The following PPP1R17 variants were observed in gnomAD, a reference collection of about 807,000 sequenced individuals.
The protein encoded by PPP1R17 is G-substrate.
A neutral mutation model predicts 15.9 loss-of-function variants in PPP1R17; 12 were observed. That is an observed-to-expected ratio of 0.75 (90% CI 0.48 to 1.22). The LOEUF (loss-of-function observed/expected upper bound fraction) is 1.22. Among genes scored for constraint, PPP1R17 ranks in the 50% most tolerant of loss-of-function variants. PPP1R17 has a pLI of 0.00. For synonymous variants in PPP1R17, 63 were observed against 64.5 expected (o/e 0.98, Z 0.11); for missense variants, 211 against 187.3 (o/e 1.13, Z -0.74).
chr7:31,698,822 G>A (rs1457811909), intron 4 of PPP1R17, among the ~76,000 whole-genome samples: 6 of 152,294 alleles, frequency 3.9e-5, no homozygotes, highest in East Asian at 3.9e-4. Flanking sequence ...AATCCTTTCC[G>A]AGGAAGAGAT....
chr7:31,687,457 A>T (rs1163993713), intron 1 of PPP1R17, among the ~76,000 whole-genome samples, 151 bp downstream of exon 1: 2 of 152,200 alleles, frequency 1.3e-5, no homozygotes, highest in Non-Finnish European at 2.9e-5. Flanking sequence ...CAGCAGAAAA[A>T]GTTACCACTT....
Position 31,695,655 on chromosome 7 carries a change from G to T in PPP1R17, c.235+34G>T. ...CAAAGTCATCTGCACAGCTGTAAAG[G>T]AGAGCCACTTGCCACTAGGTTGCAT... On this transcript the variant is annotated intron_variant, in intron 3 of 4. Transcript: ENST00000342032. 1.9e-6 allele frequency: 3 copies of T among 1,568,176 alleles called. No individual in the cohort carries two copies. The Admixed American group carries it at 6.0e-5, about 32-fold the overall frequency.
intron 2 of PPP1R17, among the ~76,000 whole-genome samples, chr7:31,693,797 T>C (rs940198618): frequency 5.9e-5 from 9 of 152,200 alleles, no homozygotes; most frequent in Non-Finnish European, 2.9e-5. Flanking sequence ...GAAATTTACC[T>C]GAATACTTTT....
At chr7:31,702,764 C>A (rs1792907217) in intron 4 of PPP1R17, among the ~76,000 whole-genome samples, 1 of 152,212 alleles carries the variant, frequency 6.6e-6, no homozygotes, top group African/African-American at 2.4e-5. Context: ...CTAGTCCAAT[C>A]ATTTCTACAT....
chr7:31,701,682 C>T (rs904161355), intron 4 of PPP1R17, among the ~76,000 whole-genome samples: 2 of 152,218 alleles, frequency 1.3e-5, no homozygotes, highest in Non-Finnish European at 2.9e-5. Flanking sequence ...TCACTGTCAT[C>T]TTGAGAGATT....
Position 31,697,011 on chromosome 7 carries a change from A to G in PPP1R17, c.282A>G (p.Arg94=). The G allele has an allele frequency of 1.2e-6, 2 of 1,614,166 alleles. No homozygotes were observed. The highest frequency in any genetic ancestry group is 1.7e-6 in the Non-Finnish European group (2 of 1,180,010). The change falls in exon 4 of 5, where the codon AGA becomes AGG. Residue 94 remains arginine (R), a synonymous_variant. Coordinates refer to ENST00000342032, the MANE Select transcript of PPP1R17 (RefSeq NM_006658.5). ...HLIKRYDVQE[R]HPKGKMIPVL... Reference sequence around the variant, plus strand: ...TTAAAAGATACGATGTTCAAGAGAGACATCCAAAGGGCAAAATGATCCCTG... The same window carrying G: ...TTAAAAGATACGATGTTCAAGAGAGGCATCCAAAGGGCAAAATGATCCCTG...
Position 31,706,586 on chromosome 7 carries a change from T to A in PPP1R17, c.389-618T>A, listed in dbSNP as rs182344296. On this transcript the variant is annotated intron_variant, in intron 4 of 4. Coordinates refer to ENST00000342032, the MANE Select transcript of PPP1R17 (RefSeq NM_006658.5). The stretch of plus-strand genomic sequence containing the variant: ...TCACCTCCTGGTACAGTACTGACAT[T>A]GAGAAATGGCATGTCCAGAGCCTGA... Among the ~76,000 whole-genome samples, 772 of 152,278 alleles carry A rather than the reference T, an allele frequency of 5.1e-3. 6 individuals are homozygous for A. The highest frequency in any genetic ancestry group is 0.018 in the African/African-American group (742 of 41,568).
At chr7:31,691,387 G>A (rs1247192080) in intron 1 of PPP1R17, among the ~76,000 whole-genome samples, 1 of 152,260 alleles carries the variant, frequency 6.6e-6, no homozygotes, top group South Asian at 2.1e-4. Flanking sequence ...AATTGGTTGG[G>A]CGATTTTAAT....
At chr7:31,705,429 G>A (rs1793025875) in intron 4 of PPP1R17, among the ~76,000 whole-genome samples, 1 of 152,136 alleles carries the variant, frequency 6.6e-6, no homozygotes, top group Admixed American at 6.5e-5. Flanking sequence ...ATTCCAAACA[G>A]AAATCCAAAT....
intron 2 of PPP1R17, among the ~76,000 whole-genome samples, chr7:31,693,134 C>G (rs1319180205): frequency 6.6e-6 from 1 of 152,010 alleles, no homozygotes; most frequent in Non-Finnish European, 1.5e-5. Flanking sequence ...GGTTATGACT[C>G]CCCCCTCCTC....
chr7:31,691,528 C>T (rs1792341372), intron 1 of PPP1R17, among the ~76,000 whole-genome samples: 1 of 152,098 alleles, frequency 6.6e-6, no homozygotes, highest in Non-Finnish European at 1.5e-5. Flanking sequence ...TAATGCATTT[C>T]TCCTTCAGAC....
At chr7:31,703,634 TG>T (rs1792945691) in intron 4 of PPP1R17, among the ~76,000 whole-genome samples, 1 of 152,230 alleles carries the variant, frequency 6.6e-6, no homozygotes, top group Non-Finnish European at 1.5e-5. Flanking sequence ...GTAATCAAAA[TG>T]GTAGTTAAGC....
chr7:31,689,454 A>G (rs1253270014), intron 1 of PPP1R17, among the ~76,000 whole-genome samples: 1 of 152,166 alleles, frequency 6.6e-6, no homozygotes, highest in Non-Finnish European at 1.5e-5. Context: ...GGGCAGCCCA[A>G]CAAGTGCAGC....
intron 4 of PPP1R17, among the ~76,000 whole-genome samples, chr7:31,705,158 T>TG (rs1793012996): frequency 6.6e-6 from 1 of 152,218 alleles, no homozygotes; most frequent in Admixed American, 6.5e-5. Context: ...GGGCTGGCTG[T>TG]GATGATTTAA....
chr7:31,701,713 A>G (rs1792855707), intron 4 of PPP1R17, among the ~76,000 whole-genome samples: 1 of 152,240 alleles, frequency 6.6e-6, no homozygotes, highest in Non-Finnish European at 1.5e-5. Context: ...CCTAACCTTC[A>G]GCAACCACTA....
chr7:31,695,757 T>A (rs1792552606), intron 3 of PPP1R17, 136 bp downstream of exon 3: 4 of 781,598 alleles, frequency 5.1e-6, no homozygotes, highest in Middle Eastern at 2.7e-4. Context: ...TATCTCTGTA[T>A]TAGTTACAAT....
intron 4 of PPP1R17, among the ~76,000 whole-genome samples, chr7:31,706,439 C>T (rs531223732): frequency 1.1e-4 from 16 of 152,158 alleles, no homozygotes; most frequent in African/African-American, 3.6e-4. Context: ...TTTTAATCCC[C>T]AAAAGAAGGA....
chr7:31,707,388 C>A lies in PPP1R17; in HGVS notation c.*105C>A. On this transcript the variant is annotated 3_prime_UTR_variant, in exon 5 of 5. Transcript: ENST00000342032. Reference sequence around the variant, plus strand: ...TGCTCTCATTTTTGTCATCGTCTGACTTGAAGATTCAGACACCTTCTCCCC... The same window carrying A: ...TGCTCTCATTTTTGTCATCGTCTGAATTGAAGATTCAGACACCTTCTCCCC... The A allele has an allele frequency of 1.0e-6, 1 of 954,940 alleles. No individual in the cohort carries two copies. The highest frequency in any genetic ancestry group is 1.6e-6 in the Non-Finnish European group (1 of 642,756). 59.2% of individuals were successfully genotyped at this position (954,940 alleles called of 1,614,324 possible). A position where few individuals can be genotyped will look rare whatever the true frequency, so the allele number is the denominator to read the frequency against.
Position 31,695,687 on chromosome 7 carries a change from T to C in PPP1R17, c.235+66T>C. ...ACTTGCCACTAGGTTGCATTGTTCG[T>C]ACACATTTTTCCTTAAATATTCAGG... On this transcript the variant is annotated intron_variant, in intron 3 of 4. Coordinates refer to ENST00000342032, the MANE Select transcript of PPP1R17 (RefSeq NM_006658.5). 7 of 1,475,932 alleles carry C rather than the reference T, an allele frequency of 4.7e-6. 1 individual carries two copies. The South Asian group carries it at 9.4e-5, about 20-fold the overall frequency. 91.4% of individuals were successfully genotyped at this position (1,475,932 alleles called of 1,614,324 possible). A position where few individuals can be genotyped will look rare whatever the true frequency, so the allele number is the denominator to read the frequency against.
Sources: allele counts gnomAD v4.1 joint callset (sites outside exome capture counted in the v4.1 genomes callset), GRCh38; gene constraint gnomAD v4.1.1; transcripts MANE v1.5; gene names NCBI Gene and HGNC (gene_info 2026-07-23, HGNC 2026-07-21).